MAP7D2: variants seen among roughly 807,000 people sequenced by gnomAD.
The protein encoded by MAP7D2 is MAP7 domain-containing protein 2.
MAP7D2 carries 33 observed loss-of-function variants against 63.5 expected under a neutral mutation model. The ratio of observed to expected loss-of-function variants is 0.52; its 90% CI spans 0.39 to 0.70. MAP7D2 has a LOEUF of 0.70. Ranked by LOEUF, MAP7D2 falls within the 30% of genes least tolerant of loss-of-function variation. The probability of loss-of-function intolerance (pLI) is 0.00; values close to 1 mark genes in which losing one functional copy is unlikely to be tolerated. For missense variants in MAP7D2, 626 were observed against 604.0 expected (o/e 1.04, Z -0.38); for synonymous variants, 224 against 223.7 (o/e 1.00, Z -0.01).
chrX:20,102,802 T>G (rs928608778), intron 1 of MAP7D2, among the ~76,000 whole-genome samples: 2 of 109,660 alleles, frequency 1.8e-5, no homozygotes, highest in Admixed American at 9.8e-5. Flanking sequence ...CTAAGCTATG[T>G]GGCTGGTGAT....
rs768166156 is a variant in MAP7D2 at position 20,011,678 on chromosome X, C to G, written c.2073-626G>C. Among the ~76,000 whole-genome samples, 8 of 112,412 alleles carry G rather than the reference C, an allele frequency of 7.1e-5. No homozygotes were observed. The South Asian group carries it at 1.5e-3, about 21-fold the overall frequency. On this transcript the variant is annotated intron_variant, in intron 15 of 16. Transcript: ENST00000379643. ...ATAATGAAAGGATCCCACCACAGCC[C>G]ACGTCATCACTGGCAAAGCCAATCT... is the stretch of plus-strand genomic sequence containing the variant.
chrX:20,063,809 G>T lies in MAP7D2; in HGVS notation c.209-232C>A, dbSNP rs188797230. Among the ~76,000 whole-genome samples, 60 of 112,216 alleles carry T rather than the reference G, an allele frequency of 5.3e-4. No individual in the cohort carries two copies. The Middle Eastern group carries it at 0.014, about 26-fold the overall frequency. On this transcript the variant is annotated intron_variant, in intron 2 of 16. Coordinates refer to ENST00000379643, the MANE Select transcript of MAP7D2 (RefSeq NM_001168465.2). ...TTTCCTCCTCTACGATGTGGGGACAGTCATGTTTGCCACATCACAGTGTTG... is the reference window on the plus strand; with the variant it reads ...TTTCCTCCTCTACGATGTGGGGACATTCATGTTTGCCACATCACAGTGTTG...
chrX:20,059,404 T>C (rs2065141176), intron 3 of MAP7D2, among the ~76,000 whole-genome samples: 1 of 111,785 alleles, frequency 8.9e-6, no homozygotes, highest in African/African-American at 3.3e-5. Flanking sequence ...CAACAGAAAG[T>C]GAGCATGAGA....
At chrX:20,041,243 C>T (rs1427494966) in intron 8 of MAP7D2, among the ~76,000 whole-genome samples, 1 of 111,343 alleles carries the variant, frequency 9.0e-6, no homozygotes, top group East Asian at 2.8e-4. Flanking sequence ...CAGAGGGAAA[C>T]GGATCGTAGA....
In MAP7D2 at chrX:20,045,771, G is replaced by C. The variant is rs746778212; in HGVS notation, c.719-1247C>G. Among the ~76,000 whole-genome samples, 7 of 110,791 alleles carry C rather than the reference G, an allele frequency of 6.3e-5. No individual in the cohort carries two copies. In the East Asian group the frequency reaches 1.7e-3, roughly 27 times the overall value. Reference sequence around the variant, plus strand: ...TGGAGAACAAACTTGTGATGCCTGGGTGGCTATGAAGTTATCCATGGTATA... The same window carrying C: ...TGGAGAACAAACTTGTGATGCCTGGCTGGCTATGAAGTTATCCATGGTATA... On this transcript the variant is annotated intron_variant, in intron 6 of 16. Transcript: ENST00000379643.
chrX:20,015,276 C>T lies in MAP7D2; in HGVS notation c.1696G>A (p.Glu566Lys), dbSNP rs771369178. 9 of 1,211,255 alleles carry T rather than the reference C, an allele frequency of 7.4e-6. No individual in the cohort carries two copies. Among genetic ancestry groups the T allele is most frequent in the Admixed American group, 6.5e-5 (3 of 46,003 alleles). ...AREVAEQMRL[E>K]REQIMLQIEQ... ...ATCTGCAGCATAATCTGTTCTCTCT[C>T]GAGACGCATCTGTTCAGCTACCTCC... Residue 566 changes from glutamate to lysine, a missense_variant, in exon 12 of 17, where the codon GAG becomes AAG. Transcript: ENST00000379643.
In MAP7D2 at chrX:20,013,060, T is replaced by C; in HGVS notation, c.1879A>G (p.Lys627Glu). ...EKKTKLVVPN[K>E]MEINGLNTCQ... ...AACCAGATGTCACACTCACCCATTT[T>C]GTTGGGGACAACCAGTTTTGTCTTC... Residue 627 changes from lysine to glutamate, a missense_variant, in exon 14 of 17, where the codon AAA becomes GAA. Lys to Glu is a moderately conservative substitution (Grantham distance 56). Transcript: ENST00000379643. 8.3e-7 allele frequency: 1 copy of C among 1,209,744 alleles called. No homozygotes were observed. The highest frequency in any genetic ancestry group is 1.1e-6 in the Non-Finnish European group (1 of 893,519).
At chrX:20,110,109 G>A (rs1439851671) in intron 1 of MAP7D2, among the ~76,000 whole-genome samples, 2 of 104,563 alleles carry the variant, frequency 1.9e-5, no homozygotes, top group African/African-American at 7.0e-5. Flanking sequence ...TTTTTTTTTG[G>A]TCATTATTCC....
chrX:20,051,607 T>G (rs907727088), intron 5 of MAP7D2, among the ~76,000 whole-genome samples: 3 of 109,925 alleles, frequency 2.7e-5, no homozygotes, highest in Non-Finnish European at 5.7e-5. Context: ...TTACTCCAAG[T>G]AGAAAACAAA....
chrX:20,105,267 A>C (rs778275763), intron 1 of MAP7D2, among the ~76,000 whole-genome samples: 9 of 111,634 alleles, frequency 8.1e-5, no homozygotes, highest in Non-Finnish European at 1.7e-4. Context: ...AATGGAGCTG[A>C]AAAGGACGTT....
chrX:20,105,108 C>T (rs1166795906), intron 1 of MAP7D2, among the ~76,000 whole-genome samples: 3 of 111,891 alleles, frequency 2.7e-5, no homozygotes, highest in Non-Finnish European at 5.6e-5. Flanking sequence ...TAATAAAGGG[C>T]TGCAGGTGCC....
intron 3 of MAP7D2, among the ~76,000 whole-genome samples, chrX:20,061,285 G>A (rs2065219652): frequency 9.0e-6 from 1 of 110,639 alleles, no homozygotes; most frequent in African/African-American, 3.3e-5. Flanking sequence ...AATGCAGGCT[G>A]ATCCCTTCTC....
At chrX:20,089,170 C>T (rs919816182) in intron 1 of MAP7D2, among the ~76,000 whole-genome samples, 4 of 111,923 alleles carry the variant, frequency 3.6e-5, no homozygotes, top group African/African-American at 1.3e-4. Context: ...GTATCAATCA[C>T]GGGTCATTTT....
At chrX:20,012,560 G>A (rs751230523) in intron 14 of MAP7D2, 25 bp from the exon 15 acceptor site, 5 of 1,104,987 alleles carry the variant, frequency 4.5e-6, no homozygotes, top group Non-Finnish European at 6.0e-6. Flanking sequence ...AAAGTCCCTT[G>A]TGTTAATCAT....
At chrX:20,020,774 G>T (rs969538061) in intron 10 of MAP7D2, among the ~76,000 whole-genome samples, 1 of 112,159 alleles carries the variant, frequency 8.9e-6, no homozygotes, top group Non-Finnish European at 1.9e-5. Flanking sequence ...CCTGGCCTGG[G>T]CTAACTCTTG....
At chrX:20,025,568 A>T in intron 9 of MAP7D2, 113 bp downstream of exon 9, 3 of 949,519 alleles carry the variant, frequency 3.2e-6, no homozygotes, top group Non-Finnish European at 2.9e-6. Flanking sequence ...GAGGGGATGC[A>T]CTTGTCCCCA....
intron 6 of MAP7D2, among the ~76,000 whole-genome samples, chrX:20,048,185 C>T (rs1025295288): frequency 1.8e-5 from 2 of 111,914 alleles, no homozygotes; most frequent in African/African-American, 6.5e-5. Flanking sequence ...GCTCACAGGG[C>T]ATAAACAAAC....
chrX:20,013,726 C>T, intron 12 of MAP7D2, 101 bp from the exon 13 acceptor site: 1 of 591,439 alleles, frequency 1.7e-6, no homozygotes, highest in Non-Finnish European at 2.6e-6. Context: ...TCTCAGAAAA[C>T]TTGTAAAAGG....
rs779486965 is a variant in MAP7D2, at chrX:20,116,856, G to A, written c.24C>T (p.Ser8=). The change falls in exon 1 of 17, where the codon TCC becomes TCT. Residue 8 remains serine, a synonymous_variant. Transcript: ENST00000379643. MERGGGG[S]GTGSRPEGTA... Reference sequence around the variant, plus strand: ...TCCCCTCAGGCCGGGATCCCGTCCCGGAGCCGCCGCCGCCGCGCTCCATCG... The same window carrying A: ...TCCCCTCAGGCCGGGATCCCGTCCCAGAGCCGCCGCCGCCGCGCTCCATCG... 3.5e-6 allele frequency: 4 copies of A among 1,152,265 alleles called. No homozygotes were observed. The highest frequency in any genetic ancestry group is 4.6e-6 in the Non-Finnish European group (4 of 867,948). The allele number at this position is 1,152,265 out of a possible 1,213,427, so 95.0% of individuals were successfully genotyped here. A position where few individuals can be genotyped will look rare whatever the true frequency, so the allele number is the denominator to read the frequency against.
Sources: gnomAD v4.1 joint callset for allele counts (sites outside exome capture counted in the v4.1 genomes callset) on GRCh38, gnomAD v4.1.1 for gene constraint, MANE v1.5 for transcripts, NCBI Gene and HGNC (gene_info 2026-07-23, HGNC 2026-07-21) for gene names.